RBPJL: variants seen among roughly 807,000 people sequenced by gnomAD.
RBPJL encodes recombining binding protein suppressor of hairless-like protein.
A neutral mutation model predicts 57.6 loss-of-function variants in RBPJL; 50 were observed. The ratio of observed to expected loss-of-function variants is 0.87; its 90% CI spans 0.69 to 1.10. The LOEUF (loss-of-function observed/expected upper bound fraction) is 1.10. Ranked by LOEUF, RBPJL falls within the 50% of genes least tolerant of loss-of-function variation. The pLI, the probability that RBPJL is intolerant of heterozygous loss-of-function variation, is 0.00. For synonymous variants in RBPJL, 303 were observed against 294.4 expected, an observed-to-expected ratio of 1.03 and a Z score of -0.30; for missense variants, 684 against 693.7, an observed-to-expected ratio of 0.99 and a Z score of 0.16.
intron 6 of RBPJL, among the ~76,000 whole-genome samples, chr20:45,312,966 C>A (rs1164715752): frequency 6.6e-6 from 1 of 151,118 alleles, no homozygotes; most frequent in Non-Finnish European, 1.5e-5. Context: ...TGTGATAGCA[C>A]CACGGCAGTC....
intron 9 of RBPJL, among the ~76,000 whole-genome samples, chr20:45,315,154 G>A (rs910247011): frequency 6.6e-6 from 1 of 152,124 alleles, no homozygotes; most frequent in African/African-American, 2.4e-5. Flanking sequence ...AGGTAATAGA[G>A]AGCAGAGAAT....
rs112878413 is a variant in RBPJL at position 45,311,704 on chromosome 20, G to A, written c.328+45G>A. 25 of 1,603,452 alleles carry A rather than the reference G, an allele frequency of 1.6e-5. No individual in the cohort carries two copies. The African/African-American group carries it at 2.9e-4, about 19-fold the overall frequency. On this transcript the variant is annotated intron_variant, in intron 4 of 11. Coordinates refer to ENST00000343694, the MANE Select transcript of RBPJL (RefSeq NM_014276.4). ...CTGCCGGCCGCCTGCTCTGTAGGGAGGACCACGAGATTGGGCCCGAGACGG... is the reference window on the plus strand; with the variant it reads ...CTGCCGGCCGCCTGCTCTGTAGGGAAGACCACGAGATTGGGCCCGAGACGG...
Position 45,311,666 on chromosome 20 carries a change from G to A in RBPJL, c.328+7G>A. 1 of 1,613,966 alleles carries A rather than the reference G, an allele frequency of 6.2e-7. No individual in the cohort carries two copies. Among genetic ancestry groups the A allele is most frequent in the Non-Finnish European group, 8.5e-7 (1 of 1,179,968 alleles). On this transcript the variant is annotated splice_region_variant and intron_variant, in intron 4 of 11. Coordinates refer to ENST00000343694, the MANE Select transcript of RBPJL (RefSeq NM_014276.4). ...AAGCCAGGGCAGGATCAAGGTGAGG[G>A]CGGAATCAAGGGCTGCCGGCCGCCT... is the stretch of plus-strand genomic sequence containing the variant.
rs759319898 is a variant in RBPJL, at chr20:45,313,522, C to T, written c.674C>T (p.Thr225Met). 6.6e-5 allele frequency: 107 copies of T among 1,613,940 alleles called. No individual in the cohort carries two copies. Among genetic ancestry groups the T allele is most frequent in the Non-Finnish European group, 8.2e-5 (97 of 1,179,996 alleles). Reference sequence around the variant, plus strand: ...CTCTTCAACCGCCTGCGCTCTCAGACGGTCTCCACACGCTACCTCTCTGTG... The same window carrying T: ...CTCTTCAACCGCCTGCGCTCTCAGATGGTCTCCACACGCTACCTCTCTGTG... ...VSLFNRLRSQ[T>M]VSTRYLSVED... is the part of the protein sequence containing the mutation. Residue 225 changes from threonine to methionine, a missense_variant, in exon 7 of 12, where the codon ACG becomes ATG. Physicochemically the swap from Thr to Met is moderately conservative, Grantham distance 81 (BLOSUM62 -1). Transcript: ENST00000343694.
Position 45,314,023 on chromosome 20 carries a change from T to A in RBPJL, c.758-12T>A. On this transcript the variant is annotated splice_polypyrimidine_tract_variant and intron_variant, in intron 7 of 11. Coordinates refer to ENST00000343694, the MANE Select transcript of RBPJL (RefSeq NM_014276.4). The stretch of plus-strand genomic sequence containing the variant: ...GCTGAAAACCTTGTCCCTTGCTTTT[T>A]TTGTCCCCCAGCTGATGGGCACTCT... 1 of 1,604,978 alleles carries A rather than the reference T, an allele frequency of 6.2e-7. No individual in the cohort carries two copies. The highest frequency in any genetic ancestry group is 8.5e-7 in the Non-Finnish European group (1 of 1,171,740).
Position 45,316,778 on chromosome 20 carries a change from G to T in RBPJL, c.1373G>T (p.Ser458Ile). The change falls in exon 12 of 12, where the codon AGC (serine) becomes ATC (isoleucine). Residue 458 changes from serine to isoleucine, a missense_variant. Coordinates refer to ENST00000343694, the MANE Select transcript of RBPJL (RefSeq NM_014276.4). ...CGCGCTCCCATCACAATCCCCATGAGCCTGGTGCGCGCCGACGGGCTCTTC... is the reference window on the plus strand; with the variant it reads ...CGCGCTCCCATCACAATCCCCATGATCCTGGTGCGCGCCGACGGGCTCTTC... Reference protein sequence around the residue: ...WLRAPITIPMSLVRADGLFYP... With the variant: ...WLRAPITIPMILVRADGLFYP... The T allele has an allele frequency of 6.2e-7, 1 of 1,613,870 alleles. No homozygotes were observed. Among genetic ancestry groups the T allele is most frequent in the Non-Finnish European group, 8.5e-7 (1 of 1,179,838 alleles).
Position 45,317,558 on chromosome 20 carries a change from G to A in RBPJL, c.*599G>A, listed in dbSNP as rs1987533441. ...CCTGGGGAATTCGGTCCCACCTGGG[G>A]CACCAGTTCCCACCTAGAGCACTGT... On this transcript the variant is annotated 3_prime_UTR_variant, in exon 12 of 12. Transcript: ENST00000343694. 1 of 152,550 alleles carries A rather than the reference G, an allele frequency of 6.6e-6. No individual in the cohort carries two copies. Among genetic ancestry groups the A allele is most frequent in the Admixed American group, 6.5e-5 (1 of 15,294 alleles). 9.4% of individuals were successfully genotyped at this position (152,550 alleles called of 1,614,324 possible).
intron 5 of RBPJL, 98 bp downstream of exon 5, chr20:45,312,052 G>A: frequency 2.1e-6 from 3 of 1,433,748 alleles, no homozygotes; most frequent in Non-Finnish European, 2.9e-6. Context: ...CAAGAGATAG[G>A]TGGGGAGACC....
At chr20:45,315,031 C>T (rs1203325332) in intron 9 of RBPJL, among the ~76,000 whole-genome samples, 1 of 152,012 alleles carries the variant, frequency 6.6e-6, no homozygotes, top group Non-Finnish European at 1.5e-5. Context: ...TGCAGTGAGC[C>T]AGGATCACAC....
intron 6 of RBPJL, among the ~76,000 whole-genome samples, 194 bp from the exon 7 acceptor site, chr20:45,313,274 C>T (rs1158510820): frequency 6.6e-6 from 1 of 151,770 alleles, no homozygotes; most frequent in Non-Finnish European, 1.5e-5. Flanking sequence ...CACCCTGACC[C>T]CCTCCCTCAC....
chr20:45,314,628 A>G, intron 9 of RBPJL, 63 bp downstream of exon 9: 2 of 1,500,138 alleles, frequency 1.3e-6, no homozygotes, highest in East Asian at 2.3e-5. Flanking sequence ...GAACCACAGA[A>G]TGTAAGATCA....
In RBPJL at chr20:45,313,513, G is replaced by A. The variant is rs146643791; in HGVS notation, c.665G>A (p.Arg222His). ...GSKVSLFNRL[R>H]SQTVSTRYLS... ...AAGGTCTCCCTCTTCAACCGCCTGC[G>A]CTCTCAGACGGTCTCCACACGCTAC... is the stretch of plus-strand genomic sequence containing the variant. The change falls in exon 7 of 12, where the codon CGC (arginine) becomes CAC (histidine). Residue 222 changes from arginine (R) to histidine (H), a missense_variant. Physicochemically the swap from Arg to His is conservative, Grantham distance 29. Coordinates refer to ENST00000343694, the MANE Select transcript of RBPJL (RefSeq NM_014276.4). 51 of 1,613,736 alleles carry A rather than the reference G, an allele frequency of 3.2e-5. No individual in the cohort carries two copies. The highest frequency in any genetic ancestry group is 2.3e-4 in the Admixed American group (14 of 59,978).
At position 45,313,556 on chromosome 20, in the gene RBPJL, G is replaced by C. The variant is rs1390820844; in HGVS notation, c.708G>C (p.Gly236=). Residue 236 remains glycine (G), a synonymous_variant, in exon 7 of 12, where the codon GGG becomes GGC. Coordinates refer to ENST00000343694, the MANE Select transcript of RBPJL (RefSeq NM_014276.4). The part of the protein sequence containing the change: ...VSTRYLSVED[G]AFVASARQWA... ...CACGCTACCTCTCTGTGGAGGATGG[G>C]GCCTTTGTGGCCAGTGCACGACAGT... The C allele has an allele frequency of 6.2e-7, 1 of 1,613,892 alleles. No individual in the cohort carries two copies. The highest frequency in any genetic ancestry group is 2.2e-5 in the East Asian group (1 of 44,874).
Position 45,316,558 on chromosome 20 carries a change from G to T in RBPJL, c.1258G>T (p.Val420Leu). The change falls in exon 11 of 12, where the codon GTG becomes TTG. Residue 420 changes from valine (V) to leucine (L), a missense_variant. Coordinates refer to ENST00000343694, the MANE Select transcript of RBPJL (RefSeq NM_014276.4). ...HAGLKVWFGD[V>L]EAETMYRSPR... ...GGGGCTCAAGGTGTGGTTTGGGGAC[G>T]TGGAGGCAGAAACCATGTACAGGTA... 2 of 1,535,592 alleles carry T rather than the reference G, an allele frequency of 1.3e-6. No homozygotes were observed. The highest frequency in any genetic ancestry group is 1.4e-5 in the African/African-American group (1 of 72,164).
chr20:45,308,450 G>C, intron 2 of RBPJL, 199 bp downstream of exon 2: 1 of 578,698 alleles, frequency 1.7e-6, no homozygotes, highest in Non-Finnish European at 3.1e-6. Flanking sequence ...ACCACGCTTG[G>C]AGCTGCAGAC....
chr20:45,313,874 C>T (rs1987319462), intron 7 of RBPJL, among the ~76,000 whole-genome samples, 161 bp from the exon 8 acceptor site: 1 of 152,226 alleles, frequency 6.6e-6, no homozygotes, highest in Non-Finnish European at 1.5e-5. Flanking sequence ...CCTCAAATGG[C>T]CTCTCCAGAA....
At position 45,311,601 on chromosome 20, in the gene RBPJL, C is replaced by G. The variant is rs376481766; in HGVS notation, c.270C>G (p.Pro90=). 1 of 1,614,182 alleles carries G rather than the reference C, an allele frequency of 6.2e-7. No homozygotes were observed. Among genetic ancestry groups the G allele is most frequent in the Non-Finnish European group, 8.5e-7 (1 of 1,180,042 alleles). Residue 90 remains proline, a synonymous_variant, in exon 4 of 12, where the codon CCC becomes CCG. Transcript: ENST00000343694. ...SYGNEKRFFC[P]PPCVYLSGPG... is the part of the protein sequence containing the mutation. ...CTTATCTCCGCAGGTTCTTCTGCCC[C>G]CCGCCCTGTGTCTACCTCTCGGGGC...
chr20:45,309,581 A>G lies in RBPJL; in HGVS notation c.146A>G (p.His49Arg), dbSNP rs1987035647. 1 of 1,611,384 alleles carries G rather than the reference A, an allele frequency of 6.2e-7. No individual in the cohort carries two copies. Among genetic ancestry groups the G allele is most frequent in the Non-Finnish European group, 8.5e-7 (1 of 1,178,792 alleles). ...CCTACTCCCAGGTCATCCCCAGAGC[A>G]CACCACCATTCTGAGGGGAGGCGTG... ...PGTWTRSSPE[H>R]TTILRGGVRR... The change falls in exon 3 of 12, where the codon CAC becomes CGC. Residue 49 changes from histidine to arginine, a missense_variant. Coordinates refer to ENST00000343694, the MANE Select transcript of RBPJL (RefSeq NM_014276.4).
chr20:45,312,025 T>C (rs992764119), intron 5 of RBPJL, 71 bp downstream of exon 5: 65 of 1,454,628 alleles, frequency 4.5e-5, no homozygotes, highest in Non-Finnish European at 6.0e-5. Context: ...AGGGCTCCTT[T>C]ACTCCCCTCC....
Sources: allele counts gnomAD v4.1 joint callset (sites outside exome capture counted in the v4.1 genomes callset), GRCh38; gene constraint gnomAD v4.1.1; transcripts MANE v1.5; gene names NCBI Gene and HGNC (gene_info 2026-07-23, HGNC 2026-07-21).